The following CCDC93 variants were observed in gnomAD, a reference collection of about 807,000 sequenced individuals.
The protein encoded by CCDC93 is coiled-coil domain-containing protein 93.
In CCDC93, 61 loss-of-function variants were observed where a neutral mutation model predicts 108.2. That is an observed-to-expected ratio of 0.56 (90% CI 0.46 to 0.70). The LOEUF (loss-of-function observed/expected upper bound fraction) is 0.70. Ranked by LOEUF, CCDC93 falls within the 30% of genes least tolerant of loss-of-function variation. The pLI is 0.00. For missense variants in CCDC93, 685 were observed against 764.2 expected, an observed-to-expected ratio of 0.90 and a Z score of 1.22; for synonymous variants, 276 against 260.4, an observed-to-expected ratio of 1.06 and a Z score of -0.58.
At position 117,916,216 on chromosome 2, in the gene CCDC93, A is replaced by G. The variant is rs1241027365; in HGVS notation, c.*4127T>C. 6.6e-6 allele frequency: 1 copy of G among 152,152 alleles called. No individual in the cohort carries two copies. Among genetic ancestry groups the G allele is most frequent in the Admixed American group, 6.6e-5 (1 of 15,260 alleles). The allele number at this position is 152,152 out of a possible 1,614,324, so 9.4% of individuals were successfully genotyped here. A position where few individuals can be genotyped will look rare whatever the true frequency, so the allele number is the denominator to read the frequency against. On this transcript the variant is annotated 3_prime_UTR_variant, in exon 24 of 24. Transcript: ENST00000376300. ...ACTGTGGTCCCACTTCTTGGTTCAC[A>G]TGGCTGAGACATTTCTGCCCATCAA... is the stretch of plus-strand genomic sequence containing the variant.
chr2:118,013,632 G>A (rs1466540755), intron 1 of CCDC93, among the ~76,000 whole-genome samples: 1 of 152,172 alleles, frequency 6.6e-6, no homozygotes, highest in Non-Finnish European at 1.5e-5. Flanking sequence ...GCCCGTCCCG[G>A]ACAGGGAGAA....
At chr2:117,943,692 C>T (rs1678776819) in intron 18 of CCDC93, among the ~76,000 whole-genome samples, 1 of 152,198 alleles carries the variant, frequency 6.6e-6, no homozygotes, top group African/African-American at 2.4e-5. Flanking sequence ...CCTATCTCCC[C>T]CATATTTGAT....
chr2:117,956,763 T>C (rs916771834), intron 12 of CCDC93, among the ~76,000 whole-genome samples: 1 of 152,204 alleles, frequency 6.6e-6, no homozygotes, highest in Non-Finnish European at 1.5e-5. Context: ...TCAGCTATGG[T>C]AGAACAAATT....
intron 2 of CCDC93, 122 bp downstream of exon 2, chr2:118,008,423 G>A: frequency 1.5e-6 from 1 of 650,778 alleles, no homozygotes; most frequent in Non-Finnish European, 2.7e-6. Flanking sequence ...TCTGAATTAG[G>A]AAGAAATGGA....
chr2:117,924,473 A>C (rs1279102594), intron 23 of CCDC93, among the ~76,000 whole-genome samples: 4 of 152,388 alleles, frequency 2.6e-5, no homozygotes, highest in Admixed American at 6.5e-5. Flanking sequence ...TGAGAACTAC[A>C]TGATGAATGC....
chr2:117,974,077 G>A (rs1018501233), intron 10 of CCDC93, 83 bp from the exon 11 acceptor site: 2 of 870,012 alleles, frequency 2.3e-6, no homozygotes, highest in African/African-American at 3.3e-5. Context: ...TATTATGTCT[G>A]AACACTCTAT....
rs542057768 is a variant in CCDC93 at position 117,975,449 on chromosome 2, G to A, written c.658-169C>T. ...GGCTGAACCTCCACTAGAGTATAGG[G>A]TGGGCAGGTTAAGCTTCAGGAACTG... On this transcript the variant is annotated intron_variant, in intron 8 of 23. Coordinates refer to ENST00000376300, the MANE Select transcript of CCDC93 (RefSeq NM_019044.5). Among the ~76,000 whole-genome samples, 109 of 152,324 alleles carry A rather than the reference G, an allele frequency of 7.2e-4. 2 individuals are homozygous for A. The highest frequency in any genetic ancestry group is 8.3e-4 in the South Asian group (4 of 4,828).
At chr2:117,962,731 T>C (rs906586652) in intron 11 of CCDC93, among the ~76,000 whole-genome samples, 2 of 152,196 alleles carry the variant, frequency 1.3e-5, no homozygotes, top group African/African-American at 4.8e-5. Flanking sequence ...GAATGTTAAA[T>C]TTCGGAAGGC....
intron 11 of CCDC93, among the ~76,000 whole-genome samples, chr2:117,967,354 AAG>A (rs1231274666): frequency 6.6e-6 from 1 of 152,230 alleles, no homozygotes; most frequent in Non-Finnish European, 1.5e-5. Flanking sequence ...CAGAAACATG[AAG>A]AGTCACTTAG....
chr2:117,926,641 A>C (rs1678114424), intron 23 of CCDC93, among the ~76,000 whole-genome samples: 1 of 152,190 alleles, frequency 6.6e-6, no homozygotes, highest in African/African-American at 2.4e-5. Context: ...CTTACCAACC[A>C]AAAAAAGTCC....
intron 1 of CCDC93, among the ~76,000 whole-genome samples, chr2:118,009,604 G>A (rs375391881): frequency 1.6e-4 from 25 of 152,172 alleles, no homozygotes; most frequent in African/African-American, 5.8e-4. Context: ...CCCAGGAGGC[G>A]GGGGTTGCAG....
In CCDC93 at chr2:117,916,138, A is replaced by G. The variant is rs1225496821; in HGVS notation, c.*4205T>C. On this transcript the variant is annotated 3_prime_UTR_variant, in exon 24 of 24. Transcript: ENST00000376300. ...TCCAGCTGTCCCCCATGGAGTGCCTACATGTCACACTCCTGCCACCACCGT... is the reference window on the plus strand; with the variant it reads ...TCCAGCTGTCCCCCATGGAGTGCCTGCATGTCACACTCCTGCCACCACCGT... The G allele has an allele frequency of 6.6e-6, 1 of 152,042 alleles. No individual in the cohort carries two copies. Among genetic ancestry groups the G allele is most frequent in the African/African-American group, 2.4e-5 (1 of 41,394 alleles). 9.4% of individuals were successfully genotyped at this position (152,042 alleles called of 1,614,324 possible).
Position 117,953,261 on chromosome 2 carries a change from G to A in CCDC93, c.1006-826C>T, listed in dbSNP as rs1679115400. 2.6e-5 allele frequency among the ~76,000 whole-genome samples: 4 copies of A among 152,144 alleles called. No homozygotes were observed. In the South Asian group the frequency reaches 8.3e-4, roughly 32 times the overall value. On this transcript the variant is annotated intron_variant, in intron 12 of 23. Coordinates refer to ENST00000376300, the MANE Select transcript of CCDC93 (RefSeq NM_019044.5). ...TGGGCCTGTAAGCAGCTTATTAAGAGTTATGTCACCTTCAGAAATCATTAC... is the reference window on the plus strand; with the variant it reads ...TGGGCCTGTAAGCAGCTTATTAAGAATTATGTCACCTTCAGAAATCATTAC...
rs1677797780 is a variant in CCDC93 at position 117,919,676 on chromosome 2, T to C, written c.*667A>G. ...TTCTGAGAAATCAACTTGAGTAACG[T>C]ATAAAAATTAAAACAACACTGAACT... On this transcript the variant is annotated 3_prime_UTR_variant, in exon 24 of 24. Coordinates refer to ENST00000376300, the MANE Select transcript of CCDC93 (RefSeq NM_019044.5). 1 of 148,256 alleles carries C rather than the reference T, an allele frequency of 6.7e-6. No homozygotes were observed. The highest frequency in any genetic ancestry group is 6.7e-5 in the Admixed American group (1 of 14,826). 9.2% of individuals were successfully genotyped at this position (148,256 alleles called of 1,614,324 possible). A position where few individuals can be genotyped will look rare whatever the true frequency, so the allele number is the denominator to read the frequency against.
chr2:117,943,920 T>A (rs1678783458), intron 18 of CCDC93, 104 bp downstream of exon 18: 1 of 704,480 alleles, frequency 1.4e-6, no homozygotes, highest in South Asian at 2.3e-5. Context: ...GCCTCATTAC[T>A]TATTTTCTCT....
In CCDC93 at chr2:117,952,401, T is replaced by C; in HGVS notation, c.1040A>G (p.Tyr347Cys). The C allele has an allele frequency of 6.2e-7, 1 of 1,613,542 alleles. No individual in the cohort carries two copies. Among genetic ancestry groups the C allele is most frequent in the Middle Eastern group, 1.7e-4 (1 of 6,058 alleles). Reference sequence around the variant, plus strand: ...TGTCAGCGTTTTCTTGGCTTCATTATATCTGGCTTGTAGGCTGGTGTGACT... The same window carrying C: ...TGTCAGCGTTTTCTTGGCTTCATTACATCTGGCTTGTAGGCTGGTGTGACT... ...RASHTSLQAR[Y>C]NEAKKTLTEL... The change falls in exon 13 of 24, where the codon TAT becomes TGT. Residue 347 changes from tyrosine to cysteine, a missense_variant. Transcript: ENST00000376300.
intron 6 of CCDC93, among the ~76,000 whole-genome samples, chr2:117,990,300 T>TGG (rs1199154281): frequency 6.6e-6 from 1 of 152,176 alleles, no homozygotes; most frequent in African/African-American, 2.4e-5. Context: ...AAATACCACC[T>TGG]CCTGTTGGGC....
chr2:117,956,364 T>G (rs1206887323), intron 12 of CCDC93, among the ~76,000 whole-genome samples: 1 of 152,214 alleles, frequency 6.6e-6, no homozygotes, highest in African/African-American at 2.4e-5. Context: ...GATTGCCCTG[T>G]CAGCTGGACC....
chr2:117,949,205 G>A (rs1678972164), intron 14 of CCDC93, 117 bp downstream of exon 14: 2 of 711,424 alleles, frequency 2.8e-6, no homozygotes, highest in Non-Finnish European at 5.0e-6. Flanking sequence ...CTGACCTGCA[G>A]GGGCCAGACC....
Sources: allele counts gnomAD v4.1 joint callset (sites outside exome capture counted in the v4.1 genomes callset), GRCh38; gene constraint gnomAD v4.1.1; transcripts MANE v1.5; gene names NCBI Gene and HGNC (gene_info 2026-07-23, HGNC 2026-07-21).